The following ZNF609 variants were observed in gnomAD, a reference collection of about 807,000 sequenced individuals.
ZNF609 encodes the protein zinc finger protein 609.
ZNF609 carries 11 observed loss-of-function variants against 109.5 expected under a neutral mutation model. The observed-to-expected ratio is 0.10, with a 90% CI of 0.06 to 0.17. The LOEUF is 0.17. Among genes scored for constraint, ZNF609 ranks in the 10% least tolerant of loss-of-function variants. The pLI is 1.00. For missense variants in ZNF609, 1,559 were observed against 1,772.4 expected, an observed-to-expected ratio of 0.88 and a Z score of 2.16; for synonymous variants, 646 against 662.0, an observed-to-expected ratio of 0.98 and a Z score of 0.37.
chr15:64,598,742 G>GTGTGTATA (rs1477685716), intron 2 of ZNF609, among the ~76,000 whole-genome samples: 1 of 60,288 alleles, frequency 1.7e-5, no homozygotes, highest in Non-Finnish European at 3.1e-5. Flanking sequence ...CTTTGTGTGT[G>GTGTGTATA]TATATATATA....
At chr15:64,495,786 T>C (rs1734739940) in intron 1 of ZNF609, among the ~76,000 whole-genome samples, 1 of 151,702 alleles carries the variant, frequency 6.6e-6, no homozygotes, top group Non-Finnish European at 1.5e-5. Flanking sequence ...TTTTGTCCTT[T>C]CAACTAAGTT....
In ZNF609 at chr15:64,683,259, G is replaced by T. The variant is rs1230458724; in HGVS notation, c.*1573G>T. ...CAGTGTAGGCTGGAAAAGGGAGTGTGTGACCAGAGTGCCAAAAGTGACTAG... is the reference window on the plus strand; with the variant it reads ...CAGTGTAGGCTGGAAAAGGGAGTGTTTGACCAGAGTGCCAAAAGTGACTAG... On this transcript the variant is annotated 3_prime_UTR_variant, in exon 10 of 10. Coordinates refer to ENST00000326648, the MANE Select transcript of ZNF609 (RefSeq NM_015042.2). The T allele has an allele frequency of 6.6e-6, 1 of 152,612 alleles. No individual in the cohort carries two copies. Among genetic ancestry groups the T allele is most frequent in the African/African-American group, 2.4e-5 (1 of 41,412 alleles). 9.5% of individuals were successfully genotyped at this position (152,612 alleles called of 1,614,324 possible).
chr15:64,477,893 G>A (rs923870734), intron 1 of ZNF609, among the ~76,000 whole-genome samples: 11 of 152,070 alleles, frequency 7.2e-5, no homozygotes, highest in Non-Finnish European at 1.6e-4. Context: ...GCCTCCCAAA[G>A]TGCTGGGATT....
chr15:64,584,224 G>A (rs1384958503), intron 2 of ZNF609, among the ~76,000 whole-genome samples: 5 of 152,162 alleles, frequency 3.3e-5, no homozygotes, highest in African/African-American at 1.2e-4. Flanking sequence ...TTGGGAGGCC[G>A]AGGCAGGTGG....
chr15:64,510,208 T>A (rs1275292611), intron 2 of ZNF609, among the ~76,000 whole-genome samples: 5 of 150,018 alleles, frequency 3.3e-5, no homozygotes, highest in Non-Finnish European at 7.4e-5. Flanking sequence ...TTTTTTTCTT[T>A]TTTTTTTTTT....
chr15:64,529,381 C>G (rs1487734172), intron 2 of ZNF609: 2 of 741,252 alleles, frequency 2.7e-6, no homozygotes, highest in African/African-American at 3.4e-5. Flanking sequence ...CCAGTGAACT[C>G]TACGACGTAC....
rs185845199 is a variant in ZNF609, at chr15:64,675,367, T to A, written c.2513T>A (p.Val838Asp). The change falls in exon 5 of 10, where the codon GTC becomes GAC. Residue 838 changes from valine to aspartate, a missense_variant. By Grantham distance (152) the Val-to-Asp change is radical (BLOSUM62 -3). This residue lies in a region of ZNF609 where 1,204 missense variants were observed against 1,314.1 expected (regional missense o/e 0.92). Coordinates refer to ENST00000326648, the MANE Select transcript of ZNF609 (RefSeq NM_015042.2). ...CAGAATGGAGCTGAAGCCAGCTCAGTCAAAACCAACAGCCCTGCATACTCT... is the reference window on the plus strand; with the variant it reads ...CAGAATGGAGCTGAAGCCAGCTCAGACAAAACCAACAGCCCTGCATACTCT... ...VTQNGAEASS[V>D]KTNSPAYSDI... 1 of 1,614,000 alleles carries A rather than the reference T, an allele frequency of 6.2e-7. No homozygotes were observed.
intron 2 of ZNF609, among the ~76,000 whole-genome samples, chr15:64,533,468 G>A (rs919968018): frequency 3.9e-5 from 6 of 152,144 alleles, no homozygotes; most frequent in African/African-American, 1.4e-4. Context: ...GTGTTGATTG[G>A]TATAGTTCAA....
At chr15:64,600,874 G>C (rs1025449283) in intron 2 of ZNF609, among the ~76,000 whole-genome samples, 2 of 152,044 alleles carry the variant, frequency 1.3e-5, no homozygotes, top group African/African-American at 4.8e-5. Context: ...GCTCTAGGGA[G>C]TTGTTGTAGA....
At chr15:64,543,910 A>G (rs762347389) in intron 2 of ZNF609, among the ~76,000 whole-genome samples, 12 of 152,136 alleles carry the variant, frequency 7.9e-5, no homozygotes, top group Non-Finnish European at 1.5e-4. Context: ...GATCTTTTTG[A>G]AGGCAAGTCT....
At chr15:64,573,511 T>C (rs1035992798) in intron 2 of ZNF609, among the ~76,000 whole-genome samples, 2 of 151,408 alleles carry the variant, frequency 1.3e-5, no homozygotes, top group Non-Finnish European at 2.9e-5. Context: ...CCCGCCACCA[T>C]GTCTGGCTAA....
chr15:64,473,870 G>T (rs1893128157), intron 1 of ZNF609, among the ~76,000 whole-genome samples: 1 of 152,030 alleles, frequency 6.6e-6, no homozygotes, highest in Non-Finnish European at 1.5e-5. Flanking sequence ...TGCCGCCCAG[G>T]TTCAAGCAAT....
At chr15:64,533,145 C>T (rs1326621937) in intron 2 of ZNF609, among the ~76,000 whole-genome samples, 3 of 151,812 alleles carry the variant, frequency 2.0e-5, no homozygotes, top group Non-Finnish European at 2.9e-5. Flanking sequence ...CTACCTCCCA[C>T]GTTTAAGCGA....
Position 64,573,354 on chromosome 15 carries a change from T to C in ZNF609, c.748-49473T>C, listed in dbSNP as rs1035047419. On this transcript the variant is annotated intron_variant, in intron 2 of 9. Transcript: ENST00000326648. ...GTTAGTGGCCCAACTTTCTTTTTTT[T>C]TTTTTTTTTTTTTTTTTTGAGACGG... is the stretch of plus-strand genomic sequence containing the variant. Among the ~76,000 whole-genome samples, 11 of 106,048 alleles carry C rather than the reference T, an allele frequency of 1.0e-4. 1 individual carries two copies. The highest frequency in any genetic ancestry group is 3.7e-4 in the African/African-American group (11 of 29,976). 69.6% of individuals were successfully genotyped at this position (106,048 alleles called of 152,430 possible).
At chr15:64,680,081 C>T (rs1442697376) in intron 6 of ZNF609, 104 bp from the exon 7 acceptor site, 3 of 1,244,336 alleles carry the variant, frequency 2.4e-6, no homozygotes, top group Non-Finnish European at 3.4e-6. Flanking sequence ...GAAAATACCT[C>T]AGCCTGTGCC....
intron 2 of ZNF609, chr15:64,500,732 G>C: frequency 2.9e-6 from 1 of 341,572 alleles, no homozygotes; most frequent in South Asian, 4.1e-5. Flanking sequence ...GGTACTCATT[G>C]TACTTTGAGG....
At chr15:64,520,982 C>G (rs1040021265) in intron 2 of ZNF609, among the ~76,000 whole-genome samples, 1 of 152,188 alleles carries the variant, frequency 6.6e-6, no homozygotes, top group East Asian at 1.9e-4. Flanking sequence ...GAAGTTATTT[C>G]TGAAAGTGTT....
chr15:64,680,386 T>C, intron 7 of ZNF609, 26 bp downstream of exon 7: 1 of 1,610,202 alleles, frequency 6.2e-7, no homozygotes, highest in Non-Finnish European at 8.5e-7. Flanking sequence ...TGATGCTGGC[T>C]GTTACCCAAA....
intron 6 of ZNF609, among the ~76,000 whole-genome samples, chr15:64,679,499 A>G (rs1031060184): frequency 6.6e-6 from 1 of 152,230 alleles, no homozygotes; most frequent in Non-Finnish European, 1.5e-5. Flanking sequence ...TAGAGCCTCC[A>G]GCTTCCTACA....
Sources: gnomAD v4.1 joint callset for allele counts (sites outside exome capture counted in the v4.1 genomes callset) on GRCh38, gnomAD v4.1.1 for gene constraint, gnomAD v4.1.1 regional missense constraint, MANE v1.5 for transcripts, NCBI Gene and HGNC (gene_info 2026-07-23, HGNC 2026-07-21) for gene names.